Variants in POR observed in about 807,000 individuals in gnomAD.
The protein encoded by POR is NADPH--cytochrome P450 reductase.
A neutral mutation model predicts 84.0 loss-of-function variants in POR; 56 were observed. The observed-to-expected ratio is 0.67, with a 90% CI of 0.54 to 0.83. The LOEUF (loss-of-function observed/expected upper bound fraction) is 0.83. POR is among the 40% of genes least tolerant of loss of function. The pLI is 0.00. For synonymous variants in POR, 414 were observed against 400.5 expected, an observed-to-expected ratio of 1.03 and a Z score of -0.40; for missense variants, 938 against 944.3, an observed-to-expected ratio of 0.99 and a Z score of 0.09.
intron 8 of POR, among the ~76,000 whole-genome samples, chr7:75,982,705 G>A (rs1464679101): frequency 6.6e-6 from 1 of 152,244 alleles, no homozygotes; most frequent in Non-Finnish European, 1.5e-5. Flanking sequence ...GATGGCCCCT[G>A]GTTGCTGCCC....
At position 75,985,889 on chromosome 7, in the gene POR, GAGCCCCGCGCTCACCCC is replaced by G; in HGVS notation, c.1670-33_1670-17del. The G allele has an allele frequency of 6.4e-7, 1 of 1,557,326 alleles. No homozygotes were observed. The highest frequency in any genetic ancestry group is 8.7e-7 in the Non-Finnish European group (1 of 1,148,408). On this transcript the variant is annotated splice_polypyrimidine_tract_variant and intron_variant, in intron 13 of 15. Transcript: ENST00000461988. Reference sequence around the variant, plus strand: ...ATGGGGGAGAGGGGGTGACGACTGGGAGCCCCGCGCTCACCCCGGCCCCTGCCACGCAGGCAAGGAGG... The same window carrying G: ...ATGGGGGAGAGGGGGTGACGACTGGGGGCCCCTGCCACGCAGGCAAGGAGG...
chr7:75,948,829 A>G (rs1554552401), intron 1 of POR, among the ~76,000 whole-genome samples: 1 of 152,118 alleles, frequency 6.6e-6, no homozygotes, highest in East Asian at 1.9e-4. Flanking sequence ...AATGTATAAT[A>G]TAATGTGAGG....
chr7:75,952,233 G>A (rs868915282), intron 1 of POR, among the ~76,000 whole-genome samples: 405 of 138,312 alleles, frequency 2.9e-3, no homozygotes, highest in Non-Finnish European at 4.8e-3. Context: ...TGGCCGGGCG[G>A]GGGGCTGACC....
intron 12 of POR, 181 bp from the exon 13 acceptor site, chr7:75,985,398 C>A: frequency 8.9e-7 from 1 of 1,120,426 alleles, no homozygotes; most frequent in Non-Finnish European, 1.2e-6. Flanking sequence ...CAGCATCTGT[C>A]CAGCCCCGGT....
chr7:75,922,196 A>G (rs1220252103), intron 1 of POR, among the ~76,000 whole-genome samples: 1 of 152,196 alleles, frequency 6.6e-6, no homozygotes, highest in African/African-American at 2.4e-5. Context: ...AATGCCAGGC[A>G]TAAGGTAGGC....
At chr7:75,945,995 C>T (rs1300065268) in intron 1 of POR, among the ~76,000 whole-genome samples, 1 of 152,162 alleles carries the variant, frequency 6.6e-6, no homozygotes, top group Non-Finnish European at 1.5e-5. Context: ...AGGCTCCTGC[C>T]AGTGCCCCCC....
chr7:75,955,986 T>C (rs1464601553), intron 2 of POR, among the ~76,000 whole-genome samples: 1 of 152,204 alleles, frequency 6.6e-6, no homozygotes, highest in Non-Finnish European at 1.5e-5. Flanking sequence ...GACAGGGAAT[T>C]AGTTTTACAT....
chr7:75,957,421 C>T (rs1368460036), intron 2 of POR, among the ~76,000 whole-genome samples: 1 of 152,170 alleles, frequency 6.6e-6, no homozygotes, highest in Non-Finnish European at 1.5e-5. Flanking sequence ...CGTAGTAGTA[C>T]TCAAGATAAA....
chr7:75,978,662 T>A (rs539638515), intron 3 of POR, among the ~76,000 whole-genome samples: 2 of 152,304 alleles, frequency 1.3e-5, no homozygotes, highest in East Asian at 3.9e-4. Context: ...TAGCTGGGAT[T>A]ACAGGCATGT....
At position 75,917,992 on chromosome 7, in the gene POR, T is replaced by C. The variant is rs782211068; in HGVS notation, c.-5+2813T>C. 2.1e-4 allele frequency among the ~76,000 whole-genome samples: 32 copies of C among 152,080 alleles called. No homozygotes were observed. The Middle Eastern group carries it at 0.014, about 65-fold the overall frequency. On this transcript the variant is annotated intron_variant, in intron 1 of 15. Coordinates refer to ENST00000461988, the MANE Select transcript of POR (RefSeq NM_000941.3). ...CAGCCTGGGCAACACGGCGAATCCC[T>C]GTCTCTATAAAAAAAATACAAATAC...
chr7:75,961,171 T>G (rs1787919739), intron 2 of POR, among the ~76,000 whole-genome samples: 1 of 150,868 alleles, frequency 6.6e-6, no homozygotes. Flanking sequence ...AGGTGGAAGT[T>G]GCAGTGAGCT....
intron 5 of POR, 29 bp from the exon 6 acceptor site, chr7:75,981,019 G>T: frequency 1.3e-6 from 2 of 1,541,984 alleles, no homozygotes; most frequent in Non-Finnish European, 1.8e-6. Context: ...CGAGGGCCAG[G>T]CCTCAGAGCG....
At chr7:75,958,717 C>T (rs781894622) in intron 2 of POR, among the ~76,000 whole-genome samples, 44 of 152,028 alleles carry the variant, frequency 2.9e-4, no homozygotes, top group Non-Finnish European at 5.1e-4. Context: ...TGGTGGCTCA[C>T]GCCTGTAATC....
Position 75,985,959 on chromosome 7 carries a change from G to A in POR, c.1706G>A (p.Cys569Tyr), listed in dbSNP as rs28931607. The change falls in exon 14 of 16, where the codon TGC (cysteine) becomes TAC (tyrosine). Residue 569 changes from cysteine (C) to tyrosine (Y), a missense_variant. Physicochemically the swap from Cys to Tyr is radical, Grantham distance 194 (BLOSUM62 -2). Transcript: ENST00000461988. Reference sequence around the variant, plus strand: ...GGGGAGACGCTGCTGTACTACGGCTGCCGCCGCTCGGATGAGGACTACCTG... The same window carrying A: ...GGGGAGACGCTGCTGTACTACGGCTACCGCCGCTCGGATGAGGACTACCTG... 10 of 1,587,902 alleles carry A rather than the reference G, an allele frequency of 6.3e-6. No homozygotes were observed. The highest frequency in any genetic ancestry group is 2.7e-5 in the African/African-American group (2 of 74,546).
Position 75,986,559 on chromosome 7 carries a change from T to C in POR, c.*78T>C. 1 of 1,527,318 alleles carries C rather than the reference T, an allele frequency of 6.5e-7. No homozygotes were observed. The highest frequency in any genetic ancestry group is 1.4e-5 in the African/African-American group (1 of 73,232). The allele number at this position is 1,527,318 out of a possible 1,614,324, so 94.6% of individuals were successfully genotyped here. A position where few individuals can be genotyped will look rare whatever the true frequency, so the allele number is the denominator to read the frequency against. ...TGGCTCCCTCCCGTAGTCTCCTGGG[T>C]GTGTTTGGCTTGGCCTTGGCATGGG... On this transcript the variant is annotated 3_prime_UTR_variant, in exon 16 of 16. Coordinates refer to ENST00000461988, the MANE Select transcript of POR (RefSeq NM_000941.3).
chr7:75,962,823 T>G (rs1365046753), intron 2 of POR, among the ~76,000 whole-genome samples: 1 of 152,202 alleles, frequency 6.6e-6, no homozygotes, highest in Non-Finnish European at 1.5e-5. Context: ...AAGCGTCACA[T>G]AAATGGAATG....
chr7:75,949,294 T>C (rs1554552452), intron 1 of POR, among the ~76,000 whole-genome samples: 3 of 151,916 alleles, frequency 2.0e-5, no homozygotes, highest in Admixed American at 2.0e-4. Context: ...TAGCTGGGAC[T>C]ACAGGCACGC....
At chr7:75,958,661 C>T (rs1464014850) in intron 2 of POR, among the ~76,000 whole-genome samples, 1 of 152,052 alleles carries the variant, frequency 6.6e-6, no homozygotes, top group East Asian at 1.9e-4. Context: ...TAATAGGCCT[C>T]CTACGATAGT....
chr7:75,925,571 A>T lies in POR; in HGVS notation c.-5+10392A>T, dbSNP rs73702700. ...CTTTTCCCTGGGCCTTTACACGAGGATCATTGAATAAAGCAGTGGTCAGCA... is the reference window on the plus strand; with the variant it reads ...CTTTTCCCTGGGCCTTTACACGAGGTTCATTGAATAAAGCAGTGGTCAGCA... On this transcript the variant is annotated intron_variant, in intron 1 of 15. Transcript: ENST00000461988. Among the ~76,000 whole-genome samples, 305 of 152,244 alleles carry T rather than the reference A, an allele frequency of 2.0e-3. 3 individuals are homozygous for T. The highest frequency in any genetic ancestry group is 6.9e-3 in the African/African-American group (285 of 41,540).
Sources: allele counts gnomAD v4.1 joint callset (sites outside exome capture counted in the v4.1 genomes callset), GRCh38; gene constraint gnomAD v4.1.1; transcripts MANE v1.5; gene names NCBI Gene and HGNC (gene_info 2026-07-23, HGNC 2026-07-21).